SF1: variants seen among roughly 807,000 people sequenced by gnomAD.
SF1 encodes the protein splicing factor 1, also known as branch point-binding protein.
Under a neutral mutation model 62.5 loss-of-function variants are expected in SF1, and 7 were observed. That is an observed-to-expected ratio of 0.11 (90% CI 0.06 to 0.21). The LOEUF is 0.21. SF1 is among the 10% of genes least tolerant of loss of function. SF1 has a pLI of 1.00. For missense variants in SF1, 578 were observed against 884.0 expected (o/e 0.65, Z 4.39); for synonymous variants, 394 against 323.6 (o/e 1.22, Z -2.33).
intron 1 of SF1, chr11:64,777,767 C>G: frequency 1.0e-6 from 1 of 985,440 alleles, no homozygotes; most frequent in South Asian, 4.7e-5. Context: ...CGTCTGCGCA[C>G]AGAGCGCCTC....
chr11:64,768,071 GAAGCCAGACCAAGA>G, intron 9 of SF1, 21 bp downstream of exon 9: 2 of 1,586,498 alleles, frequency 1.3e-6, no homozygotes, highest in Non-Finnish European at 8.6e-7. Context: ...AGAGAATGGG[GAAGCCAGACCAAGA>G]GAGCCAGCCC....
intron 4 of SF1, 95 bp from the exon 5 acceptor site, chr11:64,770,148 T>A (rs1320815806): frequency 6.5e-7 from 1 of 1,548,400 alleles, no homozygotes; most frequent in East Asian, 2.2e-5. Context: ...GTGCTAATTA[T>A]GGGTGACTTG....
chr11:64,778,355 A>C lies in SF1; in HGVS notation c.31+7T>G. 1 of 1,225,238 alleles carries C rather than the reference A, an allele frequency of 8.2e-7. No individual in the cohort carries two copies. The highest frequency in any genetic ancestry group is 1.0e-6 in the Non-Finnish European group (1 of 983,002). The allele number at this position is 1,225,238 out of a possible 1,614,324, so 75.9% of individuals were successfully genotyped here. A position where few individuals can be genotyped will look rare whatever the true frequency, so the allele number is the denominator to read the frequency against. ...GAGCGGGGGCAGCCCGGGGGGGCCC[A>C]GCTTACCCAACGGCGTGGCGTTCGC... On this transcript the variant is annotated splice_region_variant and intron_variant, in intron 1 of 12. Coordinates refer to ENST00000377390, the MANE Select transcript of SF1 (RefSeq NM_004630.4).
chr11:64,766,863 C>CAA, intron 12 of SF1, 37 bp downstream of exon 12: 102 of 372,592 alleles, frequency 2.7e-4, no homozygotes, highest in Non-Finnish European at 4.5e-4. Flanking sequence ...CCACCCCCAT[C>CAA]CCACCCACCC....
chr11:64,766,850 G>GCCCC, intron 12 of SF1, 50 bp downstream of exon 12: 2 of 744,976 alleles, frequency 2.7e-6, no homozygotes, highest in Admixed American at 2.6e-5. Context: ...GTTCCTGTCA[G>GCCCC]CCCCACCCCC....
At position 64,765,618 on chromosome 11, in the gene SF1, T is replaced by A; in HGVS notation, c.*200A>T. 2 of 1,500,056 alleles carry A rather than the reference T, an allele frequency of 1.3e-6. No homozygotes were observed. Among genetic ancestry groups the A allele is most frequent in the Non-Finnish European group, 1.8e-6 (2 of 1,133,802 alleles). 92.9% of individuals were successfully genotyped at this position (1,500,056 alleles called of 1,614,324 possible). On this transcript the variant is annotated 3_prime_UTR_variant, in exon 13 of 13. Coordinates refer to ENST00000377390, the MANE Select transcript of SF1 (RefSeq NM_004630.4). ...TACGGGGCGCCAGGAGAGCCCAAGC[T>A]GGCGCCCCTACTACCACCTGCCCGT...
rs758283208 is a variant in SF1 at position 64,778,367 on chromosome 11, G to C, written c.26C>G (p.Pro9Arg). MATGANAT[P>R]LDFPSKKRKR... Reference sequence around the variant, plus strand: ...CCCGGGGGGGCCCAGCTTACCCAACGGCGTGGCGTTCGCTCCGGTCGCCAT... The same window carrying C: ...CCCGGGGGGGCCCAGCTTACCCAACCGCGTGGCGTTCGCTCCGGTCGCCAT... Residue 9 changes from proline to arginine, a missense_variant, in exon 1 of 13, where the codon CCG becomes CGG. Pro to Arg is a moderately radical substitution (Grantham distance 103). Around this residue, in one of 7 missense-constraint regions of SF1, gnomAD observed 37 missense variants for 34.6 expected, o/e 1.07. Transcript: ENST00000377390. The C allele has an allele frequency of 4.1e-6, 5 of 1,227,950 alleles. No individual in the cohort carries two copies. The highest frequency in any genetic ancestry group is 5.1e-6 in the Non-Finnish European group (5 of 984,476). The allele number at this position is 1,227,950 out of a possible 1,614,324, so 76.1% of individuals were successfully genotyped here. A position where few individuals can be genotyped will look rare whatever the true frequency, so the allele number is the denominator to read the frequency against.
At position 64,769,238 on chromosome 11, in the gene SF1, C is replaced by T. The variant is rs1937904466; in HGVS notation, c.764G>A (p.Arg255Gln). 1 of 1,614,106 alleles carries T rather than the reference C, an allele frequency of 6.2e-7. No homozygotes were observed. Among genetic ancestry groups the T allele is most frequent in the Non-Finnish European group, 8.5e-7 (1 of 1,179,984 alleles). ...GATCACATACCTGTTATCGTCTTCC[C>T]GAAGGGTCCCATTTAAGCGAGCCAA... ...RELARLNGTLREDDNRILRPW... is the reference protein window; with the variant it reads ...RELARLNGTLQEDDNRILRPW... The change falls in exon 7 of 13, where the codon CGG becomes CAG. Residue 255 changes from arginine to glutamine, a missense_variant. Physicochemically the swap from Arg to Gln is conservative, Grantham distance 43. Transcript: ENST00000377390.
rs1336931213 is a variant in SF1, at chr11:64,765,936, G to A, written c.1802C>T (p.Pro601Leu). ...GSAGMMYAPP[P>L]PPPPPMDPSN... ...AGGGTCCATGGGAGGCGGAGGAGGA[G>A]GGGGCGGGGCATACATCATGCCGGC... The change falls in exon 13 of 13, where the codon CCT becomes CTT. Residue 601 changes from proline (P) to leucine (L), a missense_variant. Transcript: ENST00000377390. 1.3e-6 allele frequency: 2 copies of A among 1,571,646 alleles called. No individual in the cohort carries two copies. Among genetic ancestry groups the A allele is most frequent in the East Asian group, 2.3e-5 (1 of 42,644 alleles).
chr11:64,768,332 T>G, intron 8 of SF1, 46 bp from the exon 9 acceptor site: 1 of 1,574,542 alleles, frequency 6.4e-7, no homozygotes, highest in Non-Finnish European at 8.7e-7. Context: ...GAAAAACTTG[T>G]TAAGAAGGAA....
chr11:64,771,441 G>A, intron 3 of SF1: 2 of 984,826 alleles, frequency 2.0e-6, no homozygotes, highest in Non-Finnish European at 1.2e-6. Flanking sequence ...AAAACATACT[G>A]AAAGTAATCA....
intron 2 of SF1, among the ~76,000 whole-genome samples, chr11:64,775,236 C>G (rs149922227): frequency 5.3e-4 from 80 of 152,248 alleles, no homozygotes; most frequent in African/African-American, 1.8e-3. Flanking sequence ...TCCTTTGATT[C>G]TATTTTGATT....
In SF1 at chr11:64,765,702, T is replaced by G; in HGVS notation, c.*116A>C. ...CAGTGCGTGCACACACACACATGCG[T>G]GCACACACAATCACATGCGTGCGTC... On this transcript the variant is annotated 3_prime_UTR_variant, in exon 13 of 13. Transcript: ENST00000377390. 1 of 1,466,556 alleles carries G rather than the reference T, an allele frequency of 6.8e-7. No individual in the cohort carries two copies. Among genetic ancestry groups the G allele is most frequent in the South Asian group, 1.4e-5 (1 of 69,794 alleles). The allele number at this position is 1,466,556 out of a possible 1,614,324, so 90.8% of individuals were successfully genotyped here.
At position 64,773,467 on chromosome 11, in the gene SF1, T is replaced by A; in HGVS notation, c.199A>T (p.Thr67Ser). Residue 67 changes from threonine (T) to serine (S), a missense_variant, in exon 3 of 13, where the codon ACA becomes TCA. Physicochemically the swap from Thr to Ser is moderately conservative, Grantham distance 58. Coordinates refer to ENST00000377390, the MANE Select transcript of SF1 (RefSeq NM_004630.4). ...QIEDLTRKLR[T>S]GDLGIPPNPE... ...TTAGGGGGGATGCCCAGGTCTCCTG[T>A]GCGCAGTTTACGAGTCAGGTCTTCT... is the stretch of plus-strand genomic sequence containing the variant. 1 of 1,613,512 alleles carries A rather than the reference T, an allele frequency of 6.2e-7. No homozygotes were observed. Among genetic ancestry groups the A allele is most frequent in the Non-Finnish European group, 8.5e-7 (1 of 1,179,820 alleles).
At chr11:64,766,354 G>A in intron 12 of SF1, 199 bp from the exon 13 acceptor site, 1 of 593,520 alleles carries the variant, frequency 1.7e-6, no homozygotes, top group Non-Finnish European at 3.0e-6. Context: ...CGAGGTCTCT[G>A]GGCTTAACAG....
intron 5 of SF1, 122 bp downstream of exon 5, chr11:64,769,842 C>T (rs958441768): frequency 1.4e-5 from 12 of 832,898 alleles, no homozygotes; most frequent in Non-Finnish European, 2.3e-5. Context: ...TTAATTCAGC[C>T]AAAATGAAAT....
chr11:64,771,747 T>G, intron 3 of SF1: 1 of 985,324 alleles, frequency 1.0e-6, no homozygotes, highest in Non-Finnish European at 1.2e-6. Flanking sequence ...GTTTTAAACA[T>G]GTTTTTACTG....
At chr11:64,771,422 G>A (rs1938305825) in intron 3 of SF1, 26 of 977,196 alleles carry the variant, frequency 2.7e-5, no homozygotes, top group Non-Finnish European at 3.2e-5. Flanking sequence ...TGTGGATCAG[G>A]TTATTAAAAA....
At chr11:64,770,458 C>G (rs1459969941) in intron 3 of SF1, 50 bp from the exon 4 acceptor site, 2 of 1,586,684 alleles carry the variant, frequency 1.3e-6, no homozygotes, top group East Asian at 4.5e-5. Context: ...TTCTCTCATT[C>G]CCACACGGAC....
Sources: gnomAD v4.1 joint callset for allele counts (sites outside exome capture counted in the v4.1 genomes callset) on GRCh38, gnomAD v4.1.1 for gene constraint, gnomAD v4.1.1 regional missense constraint, MANE v1.5 for transcripts, NCBI Gene and HGNC (gene_info 2026-07-23, HGNC 2026-07-21) for gene names.